GPM6A: variants seen among roughly 807,000 people sequenced by gnomAD.
GPM6A encodes the protein neuronal membrane glycoprotein M6-a.
GPM6A carries 7 observed loss-of-function variants against 32.1 expected under a neutral mutation model. That is an observed-to-expected ratio of 0.22 (90% CI 0.12 to 0.41). The LOEUF (loss-of-function observed/expected upper bound fraction) is 0.41, where lower values mean the gene tolerates loss of function less well. GPM6A is among the 10% of genes least tolerant of loss of function. GPM6A has a pLI of 1.00. For synonymous variants in GPM6A, 130 were observed against 123.4 expected, an observed-to-expected ratio of 1.05 and a Z score of -0.35; for missense variants, 235 against 347.2, an observed-to-expected ratio of 0.68 and a Z score of 2.57.
intron 1 of GPM6A, among the ~76,000 whole-genome samples, chr4:175,966,905 T>C (rs979030860): frequency 2.0e-5 from 3 of 152,350 alleles, no homozygotes; most frequent in Admixed American, 6.5e-5. Flanking sequence ...AAACCAATTC[T>C]TTAAAATCTC....
Position 175,787,390 on chromosome 4 carries a change from T to G in GPM6A, c.37+24801A>C, listed in dbSNP as rs761709802. 2.0e-5 allele frequency: 31 copies of G among 1,535,060 alleles called. No individual in the cohort carries two copies. The South Asian group carries it at 3.7e-4, about 18-fold the overall frequency. On this transcript the variant is annotated intron_variant, in intron 1 of 6. Coordinates refer to ENST00000393658, the MANE Select transcript of GPM6A (RefSeq NM_201591.3). ...TGCCGGCCGCTGGCTCCTTGTGAACTCTATTTTCCCTTGATTCAAGGGCAT... is the reference window on the plus strand; with the variant it reads ...TGCCGGCCGCTGGCTCCTTGTGAACGCTATTTTCCCTTGATTCAAGGGCAT...
At chr4:175,776,910 G>A (rs763097827) in intron 1 of GPM6A, among the ~76,000 whole-genome samples, 25 of 152,154 alleles carry the variant, frequency 1.6e-4, no homozygotes, top group Non-Finnish European at 3.4e-4. Flanking sequence ...CAAGGCCTAC[G>A]TATGCAAATC....
chr4:175,798,937 G>GT (rs1241595548), intron 1 of GPM6A, among the ~76,000 whole-genome samples: 3 of 152,186 alleles, frequency 2.0e-5, no homozygotes, highest in Non-Finnish European at 4.4e-5. Context: ...GTCCTCTGCT[G>GT]TATTGCACAT....
intron 1 of GPM6A, among the ~76,000 whole-genome samples, chr4:175,847,115 C>G (rs937607888): frequency 6.6e-6 from 1 of 152,086 alleles, no homozygotes; most frequent in African/African-American, 2.4e-5. Context: ...AAGTAGAAAG[C>G]AGTTTGGTGT....
intron 6 of GPM6A, among the ~76,000 whole-genome samples, chr4:175,637,718 T>TATATAATATATTATATATTATATAAAA (rs1560842940): frequency 2.3e-5 from 2 of 86,346 alleles, no homozygotes; most frequent in African/African-American, 4.8e-5. Context: ...TATATATTTA[T>TATATAATATATTATATATTATATAAAA]ATATAATATA....
At chr4:175,794,297 C>T (rs895656760) in intron 1 of GPM6A, among the ~76,000 whole-genome samples, 1 of 152,198 alleles carries the variant, frequency 6.6e-6, no homozygotes, top group African/African-American at 2.4e-5. Context: ...GATGTTATCT[C>T]AACAAGTGTT....
At chr4:175,839,293 T>C (rs1248467562) in intron 1 of GPM6A, among the ~76,000 whole-genome samples, 3 of 152,186 alleles carry the variant, frequency 2.0e-5, no homozygotes, top group Non-Finnish European at 2.9e-5. Context: ...AATTCCTTTG[T>C]CAACTGGATA....
rs540444852 is a variant in GPM6A at position 175,674,849 on chromosome 4, C to G, written c.231-1013G>C. Among the ~76,000 whole-genome samples the G allele has an allele frequency of 8.8e-4, 133 of 151,048 alleles. 1 individual carries two copies. The highest frequency in any genetic ancestry group is 3.1e-3 in the African/African-American group (129 of 41,166). On this transcript the variant is annotated intron_variant, in intron 2 of 6. Coordinates refer to ENST00000393658, the MANE Select transcript of GPM6A (RefSeq NM_201591.3). The stretch of plus-strand genomic sequence containing the variant: ...AAGATATGGCATACTTTTATAGTGG[C>G]ATGGGAAGGTCCTTTTCATTTTCTC...
At chr4:175,919,897 T>G (rs1182333913) in intron 1 of GPM6A, among the ~76,000 whole-genome samples, 2 of 152,176 alleles carry the variant, frequency 1.3e-5, no homozygotes, top group African/African-American at 2.4e-5. Context: ...GTGTTTCAGA[T>G]TAAAAAGCAC....
intron 1 of GPM6A, chr4:175,806,816 G>A (rs1456604153): frequency 6.6e-6 from 1 of 152,206 alleles, no homozygotes; most frequent in East Asian, 1.9e-4. Flanking sequence ...TCTTAGGAGA[G>A]ATTTTTCCTA....
At chr4:175,909,625 C>G (rs1220215821) in intron 1 of GPM6A, among the ~76,000 whole-genome samples, 1 of 152,114 alleles carries the variant, frequency 6.6e-6, no homozygotes, top group Non-Finnish European at 1.5e-5. Context: ...TGGCATATTA[C>G]TTATGGTTTT....
chr4:175,813,016 T>G, upstream of GPM6A: 1 of 984,468 alleles, frequency 1.0e-6, no homozygotes, highest in Non-Finnish European at 1.2e-6. Context: ...AGTATAAAGC[T>G]CTAAGCCTGA....
At chr4:175,812,296 T>A, upstream of GPM6A, 1 of 517,472 alleles carries the variant, frequency 1.9e-6, no homozygotes, top group Non-Finnish European at 2.4e-6. Context: ...TTGGAAAAAC[T>A]GGGGGTTTTT....
chr4:175,963,413 T>C (rs1740230182), intron 1 of GPM6A, among the ~76,000 whole-genome samples: 1 of 151,786 alleles, frequency 6.6e-6, no homozygotes, highest in Non-Finnish European at 1.5e-5. Flanking sequence ...CGGGTTGGGG[T>C]GGAGAGTGGG....
At chr4:175,825,364 G>A (rs1735400899) in intron 1 of GPM6A, among the ~76,000 whole-genome samples, 1 of 152,160 alleles carries the variant, frequency 6.6e-6, no homozygotes, top group African/African-American at 2.4e-5. Context: ...TAGTCTTTCA[G>A]TCATTAATTC....
At chr4:175,932,533 G>C (rs1739086019) in intron 1 of GPM6A, among the ~76,000 whole-genome samples, 1 of 152,196 alleles carries the variant, frequency 6.6e-6, no homozygotes, top group Non-Finnish European at 1.5e-5. Flanking sequence ...TTCTTTTATG[G>C]CTATACAAAC....
At chr4:175,898,130 C>A (rs967986740) in intron 1 of GPM6A, among the ~76,000 whole-genome samples, 1 of 152,228 alleles carries the variant, frequency 6.6e-6, no homozygotes, top group East Asian at 1.9e-4. Flanking sequence ...ATCATTTACC[C>A]CTTAAACCAG....
chr4:175,812,301 G>GTGTTTTTT (rs1560946618), upstream of GPM6A: 1 of 792,192 alleles, frequency 1.3e-6, no homozygotes, highest in Admixed American at 4.5e-5. Context: ...AAAACTGGGG[G>GTGTTTTTT]TTTTTTTTTT....
chr4:175,648,496 T>C (rs1301124055), intron 4 of GPM6A, among the ~76,000 whole-genome samples: 1 of 152,166 alleles, frequency 6.6e-6, no homozygotes, highest in African/African-American at 2.4e-5. Context: ...AAATTGACCT[T>C]GGCTTTCGAT....
Sources: allele counts gnomAD v4.1 joint callset (sites outside exome capture counted in the v4.1 genomes callset), GRCh38; gene constraint gnomAD v4.1.1; transcripts MANE v1.5; gene names NCBI Gene and HGNC (gene_info 2026-07-23, HGNC 2026-07-21).